Variants in NCOR1 observed in about 807,000 individuals in gnomAD.
NCOR1 encodes the protein protein phosphatase 1, regulatory subunit 109.
NCOR1 carries 63 observed loss-of-function variants against 288.1 expected under a neutral mutation model. The observed-to-expected ratio is 0.22, with a 90% CI of 0.18 to 0.27. NCOR1 has a LOEUF of 0.27. NCOR1 is among the 10% of genes least tolerant of loss of function. The pLI is 1.00. For missense variants in NCOR1, 2,397 were observed against 3,019.2 expected, an observed-to-expected ratio of 0.79 and a Z score of 4.83; for synonymous variants, 1,007 against 1,065.9, an observed-to-expected ratio of 0.94 and a Z score of 1.08.
chr17:16,171,005 CTT>C lies in NCOR1; in HGVS notation c.435+796_435+797del, dbSNP rs1456501215. Among the ~76,000 whole-genome samples the C allele has an allele frequency of 9.9e-5, 15 of 151,932 alleles. No individual in the cohort carries two copies. In the East Asian group the frequency reaches 2.7e-3, roughly 27 times the overall value. On this transcript the variant is annotated intron_variant, in intron 4 of 45. Coordinates refer to ENST00000268712, the MANE Select transcript of NCOR1 (RefSeq NM_006311.4). ...CACAAAATATAGCTAAATATTAAAA[CTT>C]ATCTTTGTACAGCATGGCAACTATA...
At position 16,048,859 on chromosome 17, in the gene NCOR1, C is replaced by G. The variant is rs1313528088; in HGVS notation, c.6522G>C (p.Glu2174Asp). 1 of 1,612,684 alleles carries G rather than the reference C, an allele frequency of 6.2e-7. No individual in the cohort carries two copies. The highest frequency in any genetic ancestry group is 8.5e-7 in the Non-Finnish European group (1 of 1,179,204). ...SLLLLSQRGAEPAEQRNDARS... is the reference protein window; with the variant it reads ...SLLLLSQRGADPAEQRNDARS... ...AGCACACTTACCTCTGCTCTGCAGG[C>G]TCTGCGCCCCTCTGAGACAAGAGCA... Residue 2174 changes from glutamate to aspartate, a missense_variant, in exon 41 of 46, where the codon GAG becomes GAC. Transcript: ENST00000268712.
Position 16,195,472 on chromosome 17 carries a change from A to G in NCOR1, c.-70-833T>C, listed in dbSNP as rs75516555. Reference sequence around the variant, plus strand: ...GGCAACAGAGCAAGACTCCGTCTCAAAAAAAAAAAGAAAGAAAGAAAGAAA... The same window carrying G: ...GGCAACAGAGCAAGACTCCGTCTCAGAAAAAAAAAGAAAGAAAGAAAGAAA... On this transcript the variant is annotated intron_variant, in intron 1 of 45. Coordinates refer to ENST00000268712, the MANE Select transcript of NCOR1 (RefSeq NM_006311.4). Among the ~76,000 whole-genome samples the G allele has an allele frequency of 3.4e-5, 4 of 118,046 alleles. No homozygotes were observed. The East Asian group carries it at 5.9e-4, about 17-fold the overall frequency. 77.4% of individuals were successfully genotyped at this position (118,046 alleles called of 152,430 possible).
intron 26 of NCOR1, among the ~76,000 whole-genome samples, chr17:16,077,568 AG>A (rs1255166536): frequency 4.9e-4 from 5 of 10,288 alleles, no homozygotes; most frequent in African/African-American, 1.3e-3. Flanking sequence ...AGGGGAGGAG[AG>A]GGGGGAGGGG....
intron 20 of NCOR1, among the ~76,000 whole-genome samples, chr17:16,100,803 C>T (rs2152990643): frequency 6.6e-6 from 1 of 152,308 alleles, no homozygotes; most frequent in Admixed American, 6.5e-5. Context: ...CTGAACATGT[C>T]TCTCTTTTCA....
intron 23 of NCOR1, among the ~76,000 whole-genome samples, chr17:16,081,709 A>C (rs1034839065): frequency 7.9e-5 from 12 of 152,240 alleles, no homozygotes; most frequent in African/African-American, 2.4e-4. Flanking sequence ...TGTCAAAAAC[A>C]ATCAGAGGCA....
chr17:16,213,435 T>C (rs111703898), intron 1 of NCOR1, among the ~76,000 whole-genome samples: 82 of 132,488 alleles, frequency 6.2e-4, no homozygotes, highest in African/African-American at 2.3e-3. Flanking sequence ...GAGGTTGCAA[T>C]GAGCTGAGAT....
intron 34 of NCOR1, 77 bp from the exon 35 acceptor site, chr17:16,064,264 G>A: frequency 6.6e-7 from 1 of 1,520,872 alleles, no homozygotes; most frequent in Non-Finnish European, 8.9e-7. Context: ...GAAATTCTAA[G>A]TGACTGAAAA....
At chr17:16,155,518 CAAATT>C (rs1467788655) in intron 6 of NCOR1, among the ~76,000 whole-genome samples, 2 of 151,990 alleles carry the variant, frequency 1.3e-5, no homozygotes, top group Admixed American at 1.3e-4. Flanking sequence ...AGGGTAAAAT[CAAATT>C]GAACTGTTAA....
Position 16,172,399 on chromosome 17 carries a change from T to C in NCOR1, c.243-404A>G, listed in dbSNP as rs571948940. On this transcript the variant is annotated intron_variant, in intron 3 of 45. Transcript: ENST00000268712. ...TTGGGGGGAGGATTAAAAACTAATCTAGAAGTGAAAGACAAAACAGAACAT... is the reference window on the plus strand; with the variant it reads ...TTGGGGGGAGGATTAAAAACTAATCCAGAAGTGAAAGACAAAACAGAACAT... Among the ~76,000 whole-genome samples the C allele has an allele frequency of 2.0e-5, 3 of 152,070 alleles. No individual in the cohort carries two copies. In the South Asian group the frequency reaches 6.2e-4, roughly 32 times the overall value.
At chr17:16,195,101 T>C (rs1172618438) in intron 1 of NCOR1, among the ~76,000 whole-genome samples, 1 of 152,196 alleles carries the variant, frequency 6.6e-6, no homozygotes, top group African/African-American at 2.4e-5. Flanking sequence ...TACTAAGTTT[T>C]GTAATCACAG....
intron 31 of NCOR1, among the ~76,000 whole-genome samples, chr17:16,068,626 C>G (rs1289994317): frequency 1.3e-5 from 2 of 152,116 alleles, no homozygotes; most frequent in African/African-American, 4.8e-5. Flanking sequence ...CCTACTCCAG[C>G]CTCTCTTCTC....
At chr17:16,161,199 A>T (rs2080771286) in intron 5 of NCOR1, among the ~76,000 whole-genome samples, 1 of 151,584 alleles carries the variant, frequency 6.6e-6, no homozygotes, top group South Asian at 2.1e-4. Context: ...CAAAACCATT[A>T]TAATTCAAAG....
intron 11 of NCOR1, among the ~76,000 whole-genome samples, chr17:16,142,536 A>G (rs2077300669): frequency 6.6e-6 from 1 of 152,178 alleles, no homozygotes; most frequent in African/African-American, 2.4e-5. Context: ...AAAAGATTCA[A>G]TGTTAGAAAT....
chr17:16,172,878 A>C (rs1464714009), intron 3 of NCOR1, among the ~76,000 whole-genome samples: 1 of 152,242 alleles, frequency 6.6e-6, no homozygotes, highest in African/African-American at 2.4e-5. Flanking sequence ...TTTGCAAAGC[A>C]ATATTTCATT....
intron 40 of NCOR1, among the ~76,000 whole-genome samples, chr17:16,051,148 A>C (rs2059262910): frequency 1.3e-5 from 2 of 152,114 alleles, no homozygotes; most frequent in Non-Finnish European, 2.9e-5. Flanking sequence ...TGCCTATTTT[A>C]ATTTTGTCCA....
At chr17:16,072,454 T>A (rs2061868182) in intron 28 of NCOR1, among the ~76,000 whole-genome samples, 1 of 152,086 alleles carries the variant, frequency 6.6e-6, no homozygotes, top group Non-Finnish European at 1.5e-5. Context: ...TAATGAAAGG[T>A]TGAAAAGGAA....
intron 26 of NCOR1, among the ~76,000 whole-genome samples, chr17:16,077,759 T>C (rs1222499747): frequency 3.9e-5 from 6 of 152,196 alleles, no homozygotes; most frequent in Non-Finnish European, 5.9e-5. Flanking sequence ...GTGTTGATTG[T>C]AATGGTTCCT....
chr17:16,149,422 A>G (rs1279771113), intron 9 of NCOR1, 29 bp downstream of exon 9: 7 of 1,352,060 alleles, frequency 5.2e-6, no homozygotes, highest in East Asian at 2.5e-5. Context: ...AAGCTGTATA[A>G]ATTTCAGTTA....
intron 5 of NCOR1, among the ~76,000 whole-genome samples, chr17:16,159,450 CAAACTT>C (rs937000359): frequency 1.4e-5 from 2 of 142,238 alleles, no homozygotes; most frequent in African/African-American, 5.2e-5. Context: ...TTAATTCTGA[CAAACTT>C]AAAGCAAAAT....
Sources: allele counts gnomAD v4.1 joint callset (sites outside exome capture counted in the v4.1 genomes callset), GRCh38; gene constraint gnomAD v4.1.1; transcripts MANE v1.5; gene names NCBI Gene and HGNC (gene_info 2026-07-23, HGNC 2026-07-21).